The following RTN4RL1 variants were observed in gnomAD, a reference collection of about 807,000 sequenced individuals.
The protein encoded by RTN4RL1 is reticulon-4 receptor-like 1.
A neutral mutation model predicts 25.6 loss-of-function variants in RTN4RL1; 7 were observed. The observed-to-expected ratio is 0.27, with a 90% confidence interval of 0.16 to 0.51. RTN4RL1 has a LOEUF of 0.51. Among genes scored for constraint, RTN4RL1 ranks in the 20% least tolerant of loss-of-function variants. RTN4RL1 has a pLI of 0.97. For synonymous variants in RTN4RL1, 297 were observed against 288.2 expected (o/e 1.03, Z -0.31); for missense variants, 500 against 615.6 (o/e 0.81, Z 1.99).
intron 1 of RTN4RL1, among the ~76,000 whole-genome samples, chr17:1,967,065 A>T (rs557430456): frequency 3.4e-3 from 511 of 152,280 alleles, no homozygotes; most frequent in Non-Finnish European, 6.4e-3. Context: ...CAGGAAACAG[A>T]AGAGGCTAAA....
chr17:1,966,471 G>A (rs3935380), intron 1 of RTN4RL1, among the ~76,000 whole-genome samples: 31,505 of 152,118 alleles, frequency 0.21, 3,442 homozygotes, highest in Middle Eastern at 0.29. Flanking sequence ...TGTCCCAAGG[G>A]AGGGAGAGGA....
chr17:1,959,422 C>T (rs1290427510), intron 1 of RTN4RL1, among the ~76,000 whole-genome samples: 1 of 152,096 alleles, frequency 6.6e-6, no homozygotes. Context: ...GTCTTGTCTG[C>T]CTTGCTGCCT....
intron 1 of RTN4RL1, among the ~76,000 whole-genome samples, chr17:2,021,631 T>G (rs1168963846): frequency 1.4e-5 from 2 of 144,080 alleles, no homozygotes; most frequent in East Asian, 4.5e-4. Context: ...CTTGGCTCAC[T>G]GTAACCTCCG....
At chr17:2,021,368 T>A (rs2067198902) in intron 1 of RTN4RL1, among the ~76,000 whole-genome samples, 1 of 152,058 alleles carries the variant, frequency 6.6e-6, no homozygotes, top group Admixed American at 6.6e-5. Flanking sequence ...TGCAGAAAGA[T>A]GAGGGGTTTT....
In RTN4RL1 at chr17:1,977,810, A is replaced by G. The variant is rs2151315313; in HGVS notation, c.14-40002T>C. 2.6e-5 allele frequency among the ~76,000 whole-genome samples: 4 copies of G among 152,142 alleles called. 1 individual carries two copies. The Middle Eastern group carries it at 0.014, about 517-fold the overall frequency. ...AACCGCGCAGGTGTGTGATAGGGCGAGCGGCGCTCCCGGGAGCCAACCAGC... is the reference window on the plus strand; with the variant it reads ...AACCGCGCAGGTGTGTGATAGGGCGGGCGGCGCTCCCGGGAGCCAACCAGC... On this transcript the variant is annotated intron_variant, in intron 1 of 1. Transcript: ENST00000331238.
At chr17:2,021,713 C>T (rs1253969783) in intron 1 of RTN4RL1, among the ~76,000 whole-genome samples, 1 of 151,852 alleles carries the variant, frequency 6.6e-6, no homozygotes, top group Non-Finnish European at 1.5e-5. Context: ...AACCAGCACG[C>T]CCGGCTAATT....
At chr17:1,992,505 T>C (rs2066913955) in intron 1 of RTN4RL1, among the ~76,000 whole-genome samples, 2 of 152,174 alleles carry the variant, frequency 1.3e-5, no homozygotes, top group African/African-American at 2.4e-5. Flanking sequence ...GTAGAGGGAT[T>C]GAAGCTTAAG....
rs2066941169 is a variant in RTN4RL1 at position 1,998,639 on chromosome 17, C to T, written c.13+26214G>A. Among the ~76,000 whole-genome samples, 1 of 152,016 alleles carries T rather than the reference C, an allele frequency of 6.6e-6. No individual in the cohort carries two copies. The highest frequency in any genetic ancestry group is 1.9e-4 in the East Asian group (1 of 5,172). ...GGGCCGGCTCGCCTCCTCCTGGGCT[C>T]GCCGGGATGTGGCCTCCGAGGTCGC... On this transcript the variant is annotated intron_variant, in intron 1 of 1. Transcript: ENST00000331238. The surrounding 1 kb of genome is among the most constrained non-coding windows in gnomAD (Gnocchi z 4.9).
chr17:1,976,433 A>C (rs2066842995), intron 1 of RTN4RL1, among the ~76,000 whole-genome samples: 1 of 152,218 alleles, frequency 6.6e-6, no homozygotes, highest in South Asian at 2.1e-4. Context: ...GAATGAAAGG[A>C]TCTTCTCTCT....
chr17:1,954,385 T>A (rs1160066360), intron 1 of RTN4RL1, among the ~76,000 whole-genome samples: 3 of 63,958 alleles, frequency 4.7e-5, no homozygotes, highest in Non-Finnish European at 1.1e-4. Context: ...CTTCCTTCCT[T>A]TTTTTTTTTT....
intron 1 of RTN4RL1, among the ~76,000 whole-genome samples, chr17:2,013,529 G>A (rs775755903): frequency 7.2e-5 from 11 of 152,154 alleles, no homozygotes; most frequent in Non-Finnish European, 1.0e-4. Flanking sequence ...CTCAGCCAGT[G>A]ACCGGTGGGT....
rs372962204 is a variant in RTN4RL1 at position 1,937,438 on chromosome 17, G to A, written c.384C>T (p.His128=). ...PETFQGLVKL[H]ALYLYKCGLS... ...GCCCACACTTGTAGAGGTAGAGGGC[G>A]TGAAGCTTCACCAGGCCCTGGAAGG... The change falls in exon 2 of 2, where the codon CAC becomes CAT. Residue 128 remains histidine (H), a synonymous_variant. Transcript: ENST00000331238. The A allele has an allele frequency of 4.3e-5, 70 of 1,613,940 alleles. No individual in the cohort carries two copies. The African/African-American group carries it at 4.8e-4, about 11-fold the overall frequency.
intron 1 of RTN4RL1, among the ~76,000 whole-genome samples, chr17:1,989,761 A>AG (rs1393894914): frequency 2.6e-5 from 4 of 152,048 alleles, no homozygotes; most frequent in South Asian, 2.1e-4. Context: ...TTTAGTAGAG[A>AG]GGGGGTTTCA....
intron 1 of RTN4RL1, among the ~76,000 whole-genome samples, chr17:2,013,418 C>A (rs912190382): frequency 2.0e-4 from 31 of 152,164 alleles, no homozygotes; most frequent in Middle Eastern, 3.2e-3. Context: ...CAAAGACTTG[C>A]ATTTCTTTGC....
At chr17:1,951,175 G>C (rs1476703264) in intron 1 of RTN4RL1, among the ~76,000 whole-genome samples, 1 of 151,616 alleles carries the variant, frequency 6.6e-6, no homozygotes. Flanking sequence ...TGAGGCAGGA[G>C]AATGGCATGA....
In RTN4RL1 at chr17:1,992,796, T is replaced by A. The variant is rs146488420; in HGVS notation, c.13+32057A>T. 4.7e-4 allele frequency among the ~76,000 whole-genome samples: 71 copies of A among 152,340 alleles called. 1 individual carries two copies. Among genetic ancestry groups the A allele is most frequent in the Non-Finnish European group, 7.5e-4 (51 of 68,028 alleles). On this transcript the variant is annotated intron_variant, in intron 1 of 1. Transcript: ENST00000331238. ...AGTACCTAATAAACACCATACTCCATGCCTTGCCATCGTCGCCCACGTGTG... is the reference window on the plus strand; with the variant it reads ...AGTACCTAATAAACACCATACTCCAAGCCTTGCCATCGTCGCCCACGTGTG...
chr17:2,002,223 CCTTT>C (rs1323147157), intron 1 of RTN4RL1, among the ~76,000 whole-genome samples: 1 of 151,312 alleles, frequency 6.6e-6, no homozygotes. Flanking sequence ...TCTTTCTTTC[CCTTT>C]CTTCCTTCCT....
chr17:1,955,926 A>C (rs182865292), intron 1 of RTN4RL1, among the ~76,000 whole-genome samples: 35 of 152,236 alleles, frequency 2.3e-4, no homozygotes, highest in African/African-American at 8.4e-4. Flanking sequence ...AAAAGTATAG[A>C]AGTAAAAAGG....
chr17:1,947,031 CA>C (rs1567505942), intron 1 of RTN4RL1, among the ~76,000 whole-genome samples: 6 of 52,068 alleles, frequency 1.2e-4, no homozygotes, highest in East Asian at 3.6e-4. Flanking sequence ...TGTGTGTGCA[CA>C]TGTGTCTGTG....
Sources: gnomAD v4.1 joint callset for allele counts (sites outside exome capture counted in the v4.1 genomes callset) on GRCh38, gnomAD v4.1.1 for gene constraint, Gnocchi (gnomAD v3.1) non-coding constraint, MANE v1.5 for transcripts, NCBI Gene and HGNC (gene_info 2026-07-23, HGNC 2026-07-21) for gene names.